Variants in KLF17 observed in about 807,000 individuals in gnomAD.
KLF17 encodes KLF transcription factor 17, also known as Krueppel-like factor 17.
KLF17 carries 31 observed loss-of-function variants against 34.2 expected under a neutral mutation model. That is an observed-to-expected ratio of 0.91 (90% CI 0.68 to 1.22). The LOEUF (loss-of-function observed/expected upper bound fraction) is 1.22. KLF17 is among the 50% of genes most tolerant of loss of function. The probability of loss-of-function intolerance (pLI) is 0.00; values close to 1 mark genes in which losing one functional copy is unlikely to be tolerated. For synonymous variants in KLF17, 179 were observed against 186.7 expected, an observed-to-expected ratio of 0.96 and a Z score of 0.34; for missense variants, 478 against 505.2, an observed-to-expected ratio of 0.95 and a Z score of 0.52.
the KLF17 span, chr1:44,104,036 C>T: frequency 1.2e-6 from 1 of 865,048 alleles, no homozygotes; most frequent in Non-Finnish European, 2.0e-6. Context: ...TGTCCATGGA[C>T]AGCACCACAG....
intron 3 of KLF17, among the ~76,000 whole-genome samples, chr1:44,132,140 T>C (rs2088118837): frequency 6.6e-6 from 1 of 151,830 alleles, no homozygotes; most frequent in Non-Finnish European, 1.5e-5. Flanking sequence ...ACCCTGTCTC[T>C]ACAAAAAATA....
chr1:44,127,825 T>C (rs2088045579), intron 1 of KLF17, among the ~76,000 whole-genome samples: 1 of 151,172 alleles, frequency 6.6e-6, no homozygotes, highest in Non-Finnish European at 1.5e-5. Context: ...TGTTTGATTG[T>C]TGTTACGTTT....
the KLF17 span, among the ~76,000 whole-genome samples, chr1:44,086,422 C>T: frequency 5.3e-5 from 8 of 152,082 alleles, no homozygotes; most frequent in East Asian, 3.9e-4. Context: ...GCTGAGATCG[C>T]GCCATTGCGC....
At chr1:44,122,110 T>C (rs2087952801) in intron 1 of KLF17, 2 of 1,234,940 alleles carry the variant, frequency 1.6e-6, no homozygotes, top group Non-Finnish European at 2.4e-6. Context: ...ACAAAAAATA[T>C]CCCAAATCCC....
the KLF17 span, among the ~76,000 whole-genome samples, chr1:44,108,096 C>T: frequency 1.4e-3 from 208 of 152,268 alleles, 1 homozygote; most frequent in African/African-American, 3.8e-3. Flanking sequence ...ATGTTTGTGC[C>T]CCCACTGAGT....
the KLF17 span, among the ~76,000 whole-genome samples, chr1:44,099,161 TGG>T: frequency 6.6e-6 from 1 of 152,058 alleles, no homozygotes; most frequent in Non-Finnish European, 1.5e-5. Context: ...CCCAGCACTT[TGG>T]GAGACTGAGG....
At chr1:44,083,125 T>G in the KLF17 span, among the ~76,000 whole-genome samples, 1 of 151,520 alleles carries the variant, frequency 6.6e-6, no homozygotes. Context: ...AAAATTTTTT[T>G]TTTGTAGAGA....
chr1:44,117,819 G>A (rs1352512413), upstream of KLF17, among the ~76,000 whole-genome samples: 2 of 152,068 alleles, frequency 1.3e-5, no homozygotes, highest in Non-Finnish European at 1.5e-5. Context: ...TTTCTAACTG[G>A]TGTCTCTGCA....
the KLF17 span, among the ~76,000 whole-genome samples, chr1:44,096,398 A>T: frequency 0.67 from 97,429 of 146,336 alleles, 32,300 homozygotes; most frequent in South Asian, 0.76. Flanking sequence ...TTTATTATTT[A>T]TTTTTCTTTT....
chr1:44,048,002 A>ATGTGTGTGTG, the KLF17 span: 2,776 of 134,208 alleles, frequency 0.021, 47 homozygotes, highest in East Asian at 0.069. Flanking sequence ...TTGTGTGTGT[A>ATGTGTGTGTG]TGTGTGTGTG....
At chr1:44,090,128 CAA>C in the KLF17 span, among the ~76,000 whole-genome samples, 47 of 89,594 alleles carry the variant, frequency 5.2e-4, no homozygotes, top group East Asian at 6.7e-3. Context: ...GACTCTGTCT[CAA>C]AAAAAAAAAA....
chr1:44,086,468 A>AAAAT, the KLF17 span, among the ~76,000 whole-genome samples: 422 of 148,502 alleles, frequency 2.8e-3, 6 homozygotes, highest in African/African-American at 7.8e-3. Flanking sequence ...CTCCATCTCA[A>AAAAT]AAATAAATAA....
In KLF17 at chr1:44,134,462, G is replaced by C. The variant is rs1466866069; in HGVS notation, c.*1225G>C. On this transcript the variant is annotated 3_prime_UTR_variant, in exon 4 of 4. Transcript: ENST00000372299. ...GAATCGCTTGAACCCAGGAGGCGGA[G>C]GTTGCAGTGAGCTCAGATCTCACCA... The C allele has an allele frequency of 6.6e-6, 1 of 152,358 alleles. No homozygotes were observed. The highest frequency in any genetic ancestry group is 2.4e-5 in the African/African-American group (1 of 41,428). 9.4% of individuals were successfully genotyped at this position (152,358 alleles called of 1,614,324 possible).
chr1:44,084,117 G>A, the KLF17 span, among the ~76,000 whole-genome samples: 1 of 152,216 alleles, frequency 6.6e-6, no homozygotes, highest in African/African-American at 2.4e-5. Context: ...CACTGGAACT[G>A]TAGAAGGAAG....
chr1:44,119,404 GA>G (rs560211733), intron 1 of KLF17, among the ~76,000 whole-genome samples: 2,613 of 136,904 alleles, frequency 0.019, 18 homozygotes, highest in African/African-American at 0.023. Flanking sequence ...GAAACAACAG[GA>G]AAAAAAAAAA....
the KLF17 span, chr1:44,103,170 T>G: frequency 1.8e-6 from 1 of 565,934 alleles, no homozygotes. Flanking sequence ...AGTAAACTCC[T>G]CCGCAGGTGG....
the KLF17 span, among the ~76,000 whole-genome samples, chr1:44,096,596 T>A: frequency 6.6e-6 from 1 of 151,974 alleles, no homozygotes; most frequent in Non-Finnish European, 1.5e-5. Flanking sequence ...AGACGAGGTT[T>A]ACACCGTGTT....
chr1:44,082,707 T>C, the KLF17 span, among the ~76,000 whole-genome samples: 2 of 152,246 alleles, frequency 1.3e-5, no homozygotes, highest in African/African-American at 4.8e-5. Flanking sequence ...TCAGTCATTT[T>C]GAAACTTTTC....
chr1:44,118,010 T>C (rs2087899379), upstream of KLF17, among the ~76,000 whole-genome samples: 1 of 152,220 alleles, frequency 6.6e-6, no homozygotes, highest in Non-Finnish European at 1.5e-5. Context: ...ACTGTCCATG[T>C]GGTATCACCG....
Sources: gnomAD v4.1 joint callset for allele counts (sites outside exome capture counted in the v4.1 genomes callset) on GRCh38, gnomAD v4.1.1 for gene constraint, MANE v1.5 for transcripts, NCBI Gene and HGNC (gene_info 2026-07-23, HGNC 2026-07-21) for gene names.